The following RNF17 variants were observed in gnomAD, a reference collection of about 807,000 sequenced individuals.
RNF17 encodes the protein ring finger protein 17, also known as spermatogenesis associated 23.
RNF17 carries 31 observed loss-of-function variants against 200.5 expected under a neutral mutation model. The observed-to-expected ratio is 0.15, with a 90% CI of 0.12 to 0.21. The LOEUF is 0.21. Ranked by LOEUF, RNF17 falls within the 10% of genes least tolerant of loss-of-function variation. RNF17 has a pLI of 1.00. For missense variants in RNF17, 1,628 were observed against 1,905.1 expected, an observed-to-expected ratio of 0.85 and a Z score of 2.71; for synonymous variants, 606 against 637.8, an observed-to-expected ratio of 0.95 and a Z score of 0.75.
rs753917521 is a variant in RNF17, at chr13:24,800,500, C to G, written c.1724C>G (p.Pro575Arg). 2 of 1,613,344 alleles carry G rather than the reference C, an allele frequency of 1.2e-6. No homozygotes were observed. The highest frequency in any genetic ancestry group is 2.2e-5 in the East Asian group (1 of 44,804). ...LLKDIQPLAQ[P>R]CSLKDIVPQN... ...AAAGACATCCAGCCATTAGCACAAC[C>G]ATGCTCATTGAAAGACATTGTTCCA... The change falls in exon 13 of 36, where the codon CCA (proline) becomes CGA (arginine). Residue 575 changes from proline to arginine, a missense_variant. Transcript: ENST00000255324.
At chr13:24,845,150 T>C in intron 22 of RNF17, 71 bp downstream of exon 22, 2 of 822,950 alleles carry the variant, frequency 2.4e-6, no homozygotes, top group Non-Finnish European at 3.9e-6. Context: ...GTTTTAATTT[T>C]GCTAAGATAT....
chr13:24,764,937 G>A (rs967659697), intron 1 of RNF17, among the ~76,000 whole-genome samples: 2 of 150,272 alleles, frequency 1.3e-5, no homozygotes, highest in East Asian at 2.0e-4. Context: ...GTCTTTATAC[G>A]TGAGGGGAAA....
In RNF17 at chr13:24,873,599, ATTG is replaced by A. The variant is rs545236764; in HGVS notation, c.4448-509_4448-507del. Among the ~76,000 whole-genome samples, 81 of 152,256 alleles carry A rather than the reference ATTG, an allele frequency of 5.3e-4. 1 individual carries two copies. Among genetic ancestry groups the A allele is most frequent in the African/African-American group, 1.6e-3 (66 of 41,552 alleles). ...CTAGTTAATCTGAAATATACAATCC[ATTG>A]TTGTTAACTAGGCACCCTACTCTGC... is the stretch of plus-strand genomic sequence containing the variant. On this transcript the variant is annotated intron_variant, in intron 32 of 35. Coordinates refer to ENST00000255324, the MANE Select transcript of RNF17 (RefSeq NM_031277.3).
intron 15 of RNF17, among the ~76,000 whole-genome samples, chr13:24,814,481 C>T (rs1190137506): frequency 6.6e-6 from 1 of 152,150 alleles, no homozygotes; most frequent in African/African-American, 2.4e-5. Flanking sequence ...GATGCTTCTT[C>T]CCTATGCTTT....
Position 24,854,460 on chromosome 13 carries a change from G to A in RNF17, c.3610+316G>A, listed in dbSNP as rs575637313. On this transcript the variant is annotated intron_variant, in intron 25 of 35. Transcript: ENST00000255324. ...CAACCCTCCCAAATAAGTCAGATCA[G>A]ATGCCAATTTTTTTTTTTAATGAAC... Among the ~76,000 whole-genome samples, 11 of 143,906 alleles carry A rather than the reference G, an allele frequency of 7.6e-5. No homozygotes were observed. In the South Asian group the frequency reaches 2.4e-3, roughly 31 times the overall value. The allele number at this position is 143,906 out of a possible 152,430, so 94.4% of individuals were successfully genotyped here. A position where few individuals can be genotyped will look rare whatever the true frequency, so the allele number is the denominator to read the frequency against.
chr13:24,767,450 G>T (rs1018145366), intron 2 of RNF17, 84 bp downstream of exon 2: 5 of 997,698 alleles, frequency 5.0e-6, no homozygotes, highest in Admixed American at 2.1e-5. Flanking sequence ...CGTACTTCTA[G>T]TTAGAAACTA....
chr13:24,788,439 A>G (rs1028340148), intron 7 of RNF17, among the ~76,000 whole-genome samples: 1 of 152,080 alleles, frequency 6.6e-6, no homozygotes, highest in Non-Finnish European at 1.5e-5. Context: ...TCTGAGAGCA[A>G]GTAAGGTGAC....
intron 13 of RNF17, among the ~76,000 whole-genome samples, chr13:24,800,793 G>C (rs374757035): frequency 1.3e-5 from 2 of 152,118 alleles, no homozygotes; most frequent in African/African-American, 4.8e-5. Flanking sequence ...CAGTAATTTT[G>C]GAGTCAACTA....
chr13:24,874,463 G>A (rs1222565459), intron 33 of RNF17, among the ~76,000 whole-genome samples: 1 of 149,362 alleles, frequency 6.7e-6, no homozygotes, highest in African/African-American at 2.5e-5. Context: ...AGGCTGGAGT[G>A]CAGTGGCGCA....
In RNF17 at chr13:24,821,655, G is replaced by A. The variant is rs188359632; in HGVS notation, c.2092-3964G>A. 1.5e-3 allele frequency among the ~76,000 whole-genome samples: 226 copies of A among 151,928 alleles called. 1 individual carries two copies. The highest frequency in any genetic ancestry group is 5.3e-3 in the African/African-American group (218 of 41,404). ...CCCTCTATTGAATTTTTTCTCCTTA[G>A]TTATTATACTTTTGAGCTCCAGAAT... On this transcript the variant is annotated intron_variant, in intron 15 of 35. Transcript: ENST00000255324.
intron 2 of RNF17, among the ~76,000 whole-genome samples, chr13:24,768,184 G>A (rs184715132): frequency 3.9e-5 from 6 of 152,006 alleles, no homozygotes; most frequent in Admixed American, 3.9e-4. Context: ...AATTAAGGAT[G>A]TAAAATAAAA....
At chr13:24,865,121 A>G (rs969206035) in intron 29 of RNF17, 123 bp downstream of exon 29, 5 of 689,052 alleles carry the variant, frequency 7.3e-6, no homozygotes, top group Non-Finnish European at 1.2e-5. Context: ...GAGAGTCTAG[A>G]GGACTTACAC....
At position 24,764,179 on chromosome 13, in the gene RNF17, G is replaced by A; in HGVS notation, c.-25G>A. 1.3e-6 allele frequency: 2 copies of A among 1,569,106 alleles called. No individual in the cohort carries two copies. Among genetic ancestry groups the A allele is most frequent in the Non-Finnish European group, 8.7e-7 (1 of 1,146,876 alleles). Reference sequence around the variant, plus strand: ...GGGCCGCCGGGACTCGCACTCGGCGGTTGTTCCAGAAGAAAGAGACAGCGA... The same window carrying A: ...GGGCCGCCGGGACTCGCACTCGGCGATTGTTCCAGAAGAAAGAGACAGCGA... On this transcript the variant is annotated 5_prime_UTR_variant, in exon 1 of 36. Coordinates refer to ENST00000255324, the MANE Select transcript of RNF17 (RefSeq NM_031277.3).
intron 27 of RNF17, 73 bp from the exon 28 acceptor site, chr13:24,862,640 G>A (rs200002229): frequency 3.4e-6 from 3 of 884,798 alleles, no homozygotes; most frequent in Admixed American, 1.8e-5. Flanking sequence ...GGCTACTTTT[G>A]TGTATCTTAA....
intron 15 of RNF17, among the ~76,000 whole-genome samples, chr13:24,811,048 G>T (rs542998188): frequency 6.6e-6 from 1 of 151,948 alleles, no homozygotes; most frequent in East Asian, 1.9e-4. Flanking sequence ...AGGGTAACCC[G>T]ACCTTTCTCT....
intron 16 of RNF17, chr13:24,826,256 A>G: frequency 4.4e-6 from 1 of 225,026 alleles, no homozygotes; most frequent in Non-Finnish European, 7.4e-6. Flanking sequence ...AACTTATGAA[A>G]TAATGGGAAG....
intron 9 of RNF17, among the ~76,000 whole-genome samples, chr13:24,792,821 A>T (rs147010849): frequency 6.6e-6 from 1 of 152,194 alleles, no homozygotes; most frequent in Non-Finnish European, 1.5e-5. Flanking sequence ...TAAAATTTCT[A>T]TACTTGTAGA....
At chr13:24,832,039 C>T (rs1036331943) in intron 18 of RNF17, 61 bp downstream of exon 18, 8 of 1,187,610 alleles carry the variant, frequency 6.7e-6, no homozygotes, top group Non-Finnish European at 9.3e-6. Context: ...ATATGAATAA[C>T]ATTTGTCAAA....
At chr13:24,886,482 C>CTAA in the RNF17 span, 195 of 574,600 alleles carry the variant, frequency 3.4e-4, no homozygotes, top group African/African-American at 3.3e-3. Context: ...TTCAATGTAA[C>CTAA]TAATAGATCC....
Sources: gnomAD v4.1 joint callset for allele counts (sites outside exome capture counted in the v4.1 genomes callset) on GRCh38, gnomAD v4.1.1 for gene constraint, MANE v1.5 for transcripts, NCBI Gene and HGNC (gene_info 2026-07-23, HGNC 2026-07-21) for gene names.